The following SLC41A3 variants were observed in gnomAD, a reference collection of about 807,000 sequenced individuals.
SLC41A3 encodes the protein SLC41A1-like 2.
Under a neutral mutation model 45.4 loss-of-function variants are expected in SLC41A3, and 44 were observed. The observed-to-expected ratio is 0.97, with a 90% confidence interval of 0.76 to 1.25. SLC41A3 has a LOEUF of 1.25. Ranked by LOEUF, SLC41A3 falls within the 50% of genes most tolerant of loss-of-function variation. The probability of loss-of-function intolerance (pLI) is 0.00; values close to 1 mark genes in which losing one functional copy is unlikely to be tolerated. For synonymous variants in SLC41A3, 256 were observed against 252.4 expected (o/e 1.01, Z -0.13); for missense variants, 550 against 600.6 (o/e 0.92, Z 0.88).
intron 1 of SLC41A3, among the ~76,000 whole-genome samples, chr3:126,098,925 C>CTTTTTTTTTT (rs57262035): frequency 3.8e-3 from 417 of 109,604 alleles, no homozygotes; most frequent in Non-Finnish European, 4.6e-3. Flanking sequence ...CATGACCTGG[C>CTTTTTTTTTT]TTTTTTTTTT....
chr3:126,012,632 G>C lies in SLC41A3; in HGVS notation c.1088C>G (p.Ser363Cys). 1 of 1,614,178 alleles carries C rather than the reference G, an allele frequency of 6.2e-7. No homozygotes were observed. Among genetic ancestry groups the C allele is most frequent in the Non-Finnish European group, 8.5e-7 (1 of 1,180,032 alleles). Reference protein sequence around the residue: ...QMKKFWPNPCSTFCTSEINSM... With the variant: ...QMKKFWPNPCCTFCTSEINSM... ...ACACCCACCTGACGTGCAGAAAGTAGAACACGGGTTGGGCCAGAATTTCTT... is the reference window on the plus strand; with the variant it reads ...ACACCCACCTGACGTGCAGAAAGTACAACACGGGTTGGGCCAGAATTTCTT... The change falls in exon 9 of 11, where the codon TCT becomes TGT. Residue 363 changes from serine (S) to cysteine (C), a missense_variant. By Grantham distance (112) the Ser-to-Cys change is moderately radical. Transcript: ENST00000360370.
intron 4 of SLC41A3, among the ~76,000 whole-genome samples, chr3:126,032,292 C>G (rs6438958): frequency 0.34 from 51,803 of 152,046 alleles, 9,763 homozygotes; most frequent in African/African-American, 0.51. Flanking sequence ...CCTGGGAGTG[C>G]CTAGAGCAGT....
intron 2 of SLC41A3, among the ~76,000 whole-genome samples, chr3:126,060,261 A>G (rs1323529971): frequency 6.6e-6 from 1 of 152,206 alleles, no homozygotes; most frequent in East Asian, 1.9e-4. Context: ...TCTACTAATA[A>G]TACAAAAATT....
chr3:126,008,612 C>T, intron 10 of SLC41A3, 120 bp downstream of exon 10: 2 of 1,387,980 alleles, frequency 1.4e-6, no homozygotes. Flanking sequence ...AAGATAAGGA[C>T]TGTGCCCCAC....
intron 1 of SLC41A3, chr3:126,070,510 C>CA (rs1269087727): frequency 1.3e-5 from 2 of 152,162 alleles, no homozygotes; most frequent in Non-Finnish European, 2.9e-5. Flanking sequence ...TCTCTGGTGG[C>CA]AAAAAGGTTG....
chr3:126,023,122 C>T, intron 5 of SLC41A3, 190 bp from the exon 6 acceptor site: 1 of 683,952 alleles, frequency 1.5e-6, no homozygotes, highest in Non-Finnish European at 2.4e-6. Context: ...TTCAGAGCTT[C>T]CCACTACACT....
chr3:126,058,857 C>T (rs1943836673), intron 2 of SLC41A3, among the ~76,000 whole-genome samples: 1 of 152,146 alleles, frequency 6.6e-6, no homozygotes, highest in Non-Finnish European at 1.5e-5. Context: ...TGCCCGTGCT[C>T]CTCCCCTCTG....
intron 4 of SLC41A3, among the ~76,000 whole-genome samples, chr3:126,030,626 G>A (rs1482166359): frequency 6.6e-6 from 1 of 152,164 alleles, no homozygotes; most frequent in Non-Finnish European, 1.5e-5. Context: ...ATGGATGAAT[G>A]ACAGATGTGT....
chr3:126,020,893 G>GT lies in SLC41A3; in HGVS notation c.745+1892dup, dbSNP rs35611044. ...TGTGTTGTTTGCTTCTTTGTTTAGA[G>GT]TTTTTTTTTTTCTTTTTTTTTGAGA... On this transcript the variant is annotated intron_variant, in intron 6 of 10. Transcript: ENST00000360370. Among the ~76,000 whole-genome samples, 981 of 147,716 alleles carry GT rather than the reference G, an allele frequency of 6.6e-3. 8 individuals carry two copies. The highest frequency in any genetic ancestry group is 0.021 in the African/African-American group (832 of 40,288).
rs1944778587 is a variant in SLC41A3, at chr3:126,074,457, AG to A, written c.-27-6212del. 3.9e-5 allele frequency among the ~76,000 whole-genome samples: 6 copies of A among 152,144 alleles called. No individual in the cohort carries two copies. In the South Asian group the frequency reaches 1.2e-3, roughly 32 times the overall value. On this transcript the variant is annotated intron_variant, in intron 1 of 10. Transcript: ENST00000360370. ...TAGCCAGCACAATTCAGCAAGGAAAAGAAATGAGACGTATCCAGCTTGAAAA... is the reference window on the plus strand; with the variant it reads ...TAGCCAGCACAATTCAGCAAGGAAAAAAATGAGACGTATCCAGCTTGAAAA...
At chr3:126,062,608 A>G (rs1944129974) in intron 2 of SLC41A3, among the ~76,000 whole-genome samples, 1 of 152,210 alleles carries the variant, frequency 6.6e-6, no homozygotes, top group South Asian at 2.1e-4. Context: ...ATCACCCTAC[A>G]TGTGGTGCGA....
chr3:126,032,151 G>A (rs1446779455), intron 4 of SLC41A3, among the ~76,000 whole-genome samples: 1 of 152,194 alleles, frequency 6.6e-6, no homozygotes, highest in Admixed American at 6.5e-5. Context: ...TGGGGGCTGG[G>A]CAGGAAGCTG....
intron 1 of SLC41A3, among the ~76,000 whole-genome samples, chr3:126,076,265 A>G (rs1447003624): frequency 2.0e-5 from 3 of 152,244 alleles, no homozygotes; most frequent in Non-Finnish European, 4.4e-5. Flanking sequence ...AAAAATGCAA[A>G]TCAAAACCAC....
intron 3 of SLC41A3, among the ~76,000 whole-genome samples, chr3:126,048,206 T>C (rs1943092081): frequency 1.3e-5 from 2 of 152,326 alleles, no homozygotes; most frequent in East Asian, 3.8e-4. Flanking sequence ...CTTTACAACA[T>C]TGACTTTTGC....
At position 126,056,381 on chromosome 3, in the gene SLC41A3, CGGCT is replaced by C. The variant is rs761350226; in HGVS notation, c.274-5335_274-5332del. ...ACTTGAATGGTGTTCATCACCAGGC[CGGCT>C]GTCATCATGCACAAGCCGGACAGCA... is the stretch of plus-strand genomic sequence containing the variant. On this transcript the variant is annotated intron_variant, in intron 2 of 10. Transcript: ENST00000360370. 3.1e-6 allele frequency: 5 copies of C among 1,614,118 alleles called. No individual in the cohort carries two copies. The East Asian group carries it at 1.1e-4, about 36-fold the overall frequency.
In SLC41A3 at chr3:126,006,928, C is replaced by T; in HGVS notation, c.*88G>A. ...CTGCAGAGGCAGGGGTCAACCATCC[C>T]AAGGACCTGGCAAGGGAGAAACTGA... On this transcript the variant is annotated 3_prime_UTR_variant, in exon 11 of 11. Transcript: ENST00000360370. 1 of 1,582,504 alleles carries T rather than the reference C, an allele frequency of 6.3e-7. No individual in the cohort carries two copies. The highest frequency in any genetic ancestry group is 1.2e-5 in the South Asian group (1 of 84,332).
Position 126,068,267 on chromosome 3 carries a change from T to C in SLC41A3, c.-27-21A>G, listed in dbSNP as rs779900870. The C allele has an allele frequency of 4.1e-6, 6 of 1,476,498 alleles. No individual in the cohort carries two copies. In the African/African-American group the frequency reaches 8.4e-5, roughly 21 times the overall value. 91.5% of individuals were successfully genotyped at this position (1,476,498 alleles called of 1,614,324 possible). On this transcript the variant is annotated intron_variant, in intron 1 of 10. Coordinates refer to ENST00000360370, the MANE Select transcript of SLC41A3 (RefSeq NM_017836.4). Reference sequence around the variant, plus strand: ...CAGCCCTACAGTGGGAGACACAAAGTTGTAGGGCCAAGTTCCTGATTCCCA... The same window carrying C: ...CAGCCCTACAGTGGGAGACACAAAGCTGTAGGGCCAAGTTCCTGATTCCCA...
intron 1 of SLC41A3, among the ~76,000 whole-genome samples, chr3:126,082,016 G>A (rs1378223392): frequency 2.0e-5 from 3 of 152,246 alleles, no homozygotes; most frequent in East Asian, 1.9e-4. Flanking sequence ...GGAAGGCCTG[G>A]CCAGGGTGAC....
intron 2 of SLC41A3, among the ~76,000 whole-genome samples, chr3:126,065,655 T>C (rs896010349): frequency 2.0e-5 from 3 of 152,200 alleles, no homozygotes; most frequent in African/African-American, 7.2e-5. Context: ...GCAGCTTCTG[T>C]TTCTAAGGAA....
Sources: allele counts gnomAD v4.1 joint callset (sites outside exome capture counted in the v4.1 genomes callset), GRCh38; gene constraint gnomAD v4.1.1; transcripts MANE v1.5; gene names NCBI Gene and HGNC (gene_info 2026-07-23, HGNC 2026-07-21).